CADPS: variants seen among roughly 807,000 people sequenced by gnomAD.
The protein encoded by CADPS is calcium-dependent secretion activator 1.
In CADPS, 57 loss-of-function variants were observed where a neutral mutation model predicts 167.3. That is an observed-to-expected ratio of 0.34 (90% CI 0.28 to 0.42). The LOEUF is 0.42. CADPS is among the 20% of genes least tolerant of loss of function. The pLI, the probability that CADPS is intolerant of heterozygous loss-of-function variation, is 1.00. For synonymous variants in CADPS, 676 were observed against 635.3 expected, an observed-to-expected ratio of 1.06 and a Z score of -0.96; for missense variants, 1,414 against 1,738.1, an observed-to-expected ratio of 0.81 and a Z score of 3.32.
rs950588532 is a variant in CADPS at position 62,759,815 on chromosome 3, T to C, written c.556-6042A>G. 4.6e-5 allele frequency among the ~76,000 whole-genome samples: 7 copies of C among 152,188 alleles called. No homozygotes were observed. The East Asian group carries it at 9.6e-4, about 21-fold the overall frequency. On this transcript the variant is annotated intron_variant, in intron 2 of 29. Coordinates refer to ENST00000383710, the MANE Select transcript of CADPS (RefSeq NM_003716.4). Reference sequence around the variant, plus strand: ...TACATTGTCTGTTTTATTTTTATAGTGGGCATGTTTTACTTTCACGGTCAT... The same window carrying C: ...TACATTGTCTGTTTTATTTTTATAGCGGGCATGTTTTACTTTCACGGTCAT...
intron 8 of CADPS, among the ~76,000 whole-genome samples, chr3:62,579,524 G>C (rs2082970029): frequency 1.3e-5 from 2 of 152,090 alleles, no homozygotes; most frequent in African/African-American, 2.4e-5. Flanking sequence ...AACAGAGTAA[G>C]AGAGAGAGGG....
chr3:62,701,252 G>A (rs1304047505), intron 3 of CADPS, among the ~76,000 whole-genome samples: 1 of 152,148 alleles, frequency 6.6e-6, no homozygotes, highest in African/African-American at 2.4e-5. Flanking sequence ...ACAAGAAAAA[G>A]AGGGAAGCAA....
chr3:62,493,558 TTA>T (rs2064110983), intron 19 of CADPS, 85 bp downstream of exon 19: 6 of 980,566 alleles, frequency 6.1e-6, no homozygotes, highest in Non-Finnish European at 7.9e-6. Flanking sequence ...CTGTGATCTA[TTA>T]GTTATTAGAG....
chr3:62,599,808 AATAAT>A (rs2059611746), intron 6 of CADPS, among the ~76,000 whole-genome samples: 1 of 6,148 alleles, frequency 1.6e-4, no homozygotes, highest in Non-Finnish European at 3.0e-4. Context: ...ATATATAATA[AATAAT>A]ATATTATATA....
At chr3:62,624,348 C>A (rs1448124741) in intron 6 of CADPS, among the ~76,000 whole-genome samples, 1 of 152,134 alleles carries the variant, frequency 6.6e-6, no homozygotes, top group Non-Finnish European at 1.5e-5. Context: ...AGTGTATTTG[C>A]AAACCCTTCC....
chr3:62,689,970 C>T (rs2078800561), intron 3 of CADPS, among the ~76,000 whole-genome samples: 1 of 152,016 alleles, frequency 6.6e-6, no homozygotes, highest in Non-Finnish European at 1.5e-5. Flanking sequence ...GGGTTGGACA[C>T]TGGGCAAAGC....
At chr3:62,603,988 G>A (rs900211750) in intron 6 of CADPS, among the ~76,000 whole-genome samples, 1 of 141,184 alleles carries the variant, frequency 7.1e-6, no homozygotes, top group East Asian at 2.0e-4. Flanking sequence ...CACCACGCCC[G>A]GCTAATTTTT....
At chr3:62,789,507 C>T (rs1363609858) in intron 1 of CADPS, among the ~76,000 whole-genome samples, 1 of 152,136 alleles carries the variant, frequency 6.6e-6, no homozygotes, top group East Asian at 1.9e-4. Flanking sequence ...CAGTATTTTG[C>T]TCAGGCTACT....
Position 62,549,854 on chromosome 3 carries a change from T to C in CADPS, c.1966+49A>G. The C allele has an allele frequency of 7.0e-7, 1 of 1,423,938 alleles. No homozygotes were observed. Among genetic ancestry groups the C allele is most frequent in the East Asian group, 2.3e-5 (1 of 43,586 alleles). The allele number at this position is 1,423,938 out of a possible 1,614,324, so 88.2% of individuals were successfully genotyped here. On this transcript the variant is annotated intron_variant, in intron 11 of 29. Coordinates refer to ENST00000383710, the MANE Select transcript of CADPS (RefSeq NM_003716.4). ...GGTTTTCTAATTCAACTTTGGAAGG[T>C]TTACTTTACTCTACAGAGCTATTTT...
At chr3:62,801,346 A>G (rs1159042937) in intron 1 of CADPS, among the ~76,000 whole-genome samples, 1 of 152,178 alleles carries the variant, frequency 6.6e-6, no homozygotes, top group Non-Finnish European at 1.5e-5. Flanking sequence ...GATTAAAAAA[A>G]GAAATAAGCA....
rs1435396117 is a variant in CADPS, at chr3:62,650,864, G to A, written c.1186C>T (p.Leu396=). 4 of 1,613,808 alleles carry A rather than the reference G, an allele frequency of 2.5e-6. No homozygotes were observed. Among genetic ancestry groups the A allele is most frequent in the East Asian group, 4.5e-5 (2 of 44,834 alleles). Residue 396 remains leucine (L), a synonymous_variant, in exon 5 of 30, where the codon CTG becomes TTG. Transcript: ENST00000383710. ...ENQLSKSDVV[L]SFSLEVVIME... The stretch of plus-strand genomic sequence containing the variant: ...CTTTTTACCTCCAATGAGAAAGACA[G>A]CACGACATCTGACTTGGAGAGCTGG...
At chr3:62,730,882 G>C (rs1235675213) in intron 3 of CADPS, among the ~76,000 whole-genome samples, 2 of 152,202 alleles carry the variant, frequency 1.3e-5, no homozygotes, top group Non-Finnish European at 2.9e-5. Flanking sequence ...TGGCCATTTG[G>C]GCCCAGGCTT....
chr3:62,505,536 C>G (rs764721034), intron 17 of CADPS, among the ~76,000 whole-genome samples: 12 of 152,186 alleles, frequency 7.9e-5, no homozygotes, highest in Non-Finnish European at 1.8e-4. Flanking sequence ...GCTAAAGCCT[C>G]CAAGGCAGCC....
intron 1 of CADPS, among the ~76,000 whole-genome samples, chr3:62,858,346 C>T (rs1276292602): frequency 6.6e-6 from 1 of 152,124 alleles, no homozygotes; most frequent in African/African-American, 2.4e-5. Context: ...TGCTTCCTTC[C>T]ATAGTCCATC....
intron 1 of CADPS, among the ~76,000 whole-genome samples, chr3:62,770,905 T>C (rs1221390764): frequency 1.3e-5 from 2 of 152,188 alleles, no homozygotes; most frequent in African/African-American, 4.8e-5. Context: ...TTGAACTTGG[T>C]GTCAATACGA....
chr3:62,839,948 G>A (rs1343179472), intron 1 of CADPS, among the ~76,000 whole-genome samples: 1 of 152,194 alleles, frequency 6.6e-6, no homozygotes, highest in African/African-American at 2.4e-5. Context: ...ATCTGGGAGG[G>A]AGAGCTGAAG....
chr3:62,487,931 C>T (rs2063081202), intron 21 of CADPS, among the ~76,000 whole-genome samples: 1 of 152,124 alleles, frequency 6.6e-6, no homozygotes, highest in Non-Finnish European at 1.5e-5. Context: ...ATTTTGCATG[C>T]TAATTATTTT....
chr3:62,497,481 C>T (rs147937761), intron 18 of CADPS, among the ~76,000 whole-genome samples: 3,075 of 152,254 alleles, frequency 0.02, 63 homozygotes, highest in Middle Eastern at 0.034. Context: ...TTACCATCGC[C>T]GGAACCCCAG....
At chr3:62,870,492 G>T (rs1363591444) in intron 1 of CADPS, among the ~76,000 whole-genome samples, 1 of 152,090 alleles carries the variant, frequency 6.6e-6, no homozygotes, top group Non-Finnish European at 1.5e-5. Context: ...AATAAGGAAA[G>T]AATTTCTATG....
Sources: allele counts gnomAD v4.1 joint callset (sites outside exome capture counted in the v4.1 genomes callset), GRCh38; gene constraint gnomAD v4.1.1; transcripts MANE v1.5; gene names NCBI Gene and HGNC (gene_info 2026-07-23, HGNC 2026-07-21).